PTPRO: variants seen among roughly 807,000 people sequenced by gnomAD.
The protein encoded by PTPRO is receptor-type tyrosine-protein phosphatase O.
PTPRO carries 62 observed loss-of-function variants against 145.2 expected under a neutral mutation model. The ratio of observed to expected loss-of-function variants is 0.43; its 90% CI spans 0.35 to 0.53. The LOEUF is 0.53. Among genes scored for constraint, PTPRO ranks in the 20% least tolerant of loss-of-function variants. The pLI is 0.01. For missense variants in PTPRO, 1,345 were observed against 1,482.7 expected, an observed-to-expected ratio of 0.91 and a Z score of 1.53; for synonymous variants, 565 against 514.7, an observed-to-expected ratio of 1.10 and a Z score of -1.32.
chr12:15,501,912 C>T lies in PTPRO; in HGVS notation c.954C>T (p.Pro318=), dbSNP rs760557170. The T allele has an allele frequency of 6.2e-7, 1 of 1,614,056 alleles. No homozygotes were observed. Among genetic ancestry groups the T allele is most frequent in the Admixed American group, 1.7e-5 (1 of 60,014 alleles). The part of the protein sequence containing the change: ...ESEDEFVSVL[P]MEYENNSTLS... ...AAGATGAATTTGTCAGCGTACTTCC[C>T]ATGGAATACGAAAATAACAGTACAC... The change falls in exon 5 of 27, where the codon CCC becomes CCT. Residue 318 remains proline, a synonymous_variant. Coordinates refer to ENST00000281171, the MANE Select transcript of PTPRO (RefSeq NM_030667.3).
At chr12:15,326,242 T>C (rs1866443810) in intron 1 of PTPRO, among the ~76,000 whole-genome samples, 2 of 152,188 alleles carry the variant, frequency 1.3e-5, no homozygotes, top group African/African-American at 2.4e-5. Context: ...GCTTAGATCC[T>C]TTCCATCACA....
chr12:15,588,823 C>T (rs796897431), intron 24 of PTPRO, among the ~76,000 whole-genome samples: 10 of 152,086 alleles, frequency 6.6e-5, no homozygotes, highest in Non-Finnish European at 1.2e-4. Context: ...AATCAGTTCC[C>T]GAGAGTACTC....
At chr12:15,495,493 T>A (rs1386500600) in intron 2 of PTPRO, among the ~76,000 whole-genome samples, 1 of 151,748 alleles carries the variant, frequency 6.6e-6, no homozygotes, top group Non-Finnish European at 1.5e-5. Context: ...TAAGGACATT[T>A]CTTTAGGTCA....
chr12:15,337,993 C>T (rs1866824207), intron 1 of PTPRO, among the ~76,000 whole-genome samples: 1 of 152,186 alleles, frequency 6.6e-6, no homozygotes, highest in South Asian at 2.1e-4. Flanking sequence ...GTGGTAATTA[C>T]ATAAAGTTAT....
intron 1 of PTPRO, among the ~76,000 whole-genome samples, chr12:15,389,104 ATT>A (rs148751888): frequency 1.2e-4 from 17 of 137,692 alleles, no homozygotes; most frequent in Admixed American, 2.2e-4. Context: ...TAAATAAAGA[ATT>A]TTTTTTTTTT....
chr12:15,477,202 G>A (rs1941673681), intron 1 of PTPRO, among the ~76,000 whole-genome samples: 1 of 95,390 alleles, frequency 1.0e-5, no homozygotes, highest in Non-Finnish European at 2.1e-5. Context: ...TCCTTTGTAG[G>A]GACATGGATG....
intron 18 of PTPRO, 121 bp downstream of exon 18, chr12:15,565,749 C>A: frequency 1.4e-6 from 1 of 728,724 alleles, no homozygotes; most frequent in Non-Finnish European, 2.4e-6. Context: ...ATGCATATTA[C>A]AATAGCTAAG....
chr12:15,551,602 G>C lies in PTPRO; in HGVS notation c.2489G>C (p.Ser830Thr). 6.2e-7 allele frequency: 1 copy of C among 1,613,606 alleles called. No homozygotes were observed. Among genetic ancestry groups the C allele is most frequent in the East Asian group, 2.2e-5 (1 of 44,840 alleles). ...GTGATCTCCGTGCTGGCCATCCTTA[G>C]CACACTTTTAATTGGACTGTTGCTT... is the stretch of plus-strand genomic sequence containing the variant. ...VVVISVLAILSTLLIGLLLVT... is the reference protein window; with the variant it reads ...VVVISVLAILTTLLIGLLLVT... Residue 830 changes from serine to threonine, a missense_variant, in exon 15 of 27, where the codon AGC (serine) becomes ACC (threonine). Physicochemically the swap from Ser to Thr is moderately conservative, Grantham distance 58. Coordinates refer to ENST00000281171, the MANE Select transcript of PTPRO (RefSeq NM_030667.3).
At chr12:15,430,311 G>A (rs756694901) in intron 1 of PTPRO, among the ~76,000 whole-genome samples, 9 of 151,984 alleles carry the variant, frequency 5.9e-5, no homozygotes, top group Non-Finnish European at 8.8e-5. Flanking sequence ...GACTGAGGAG[G>A]GTGGGTGAGA....
At chr12:15,567,655 C>G (rs530401702) in intron 18 of PTPRO, among the ~76,000 whole-genome samples, 29 of 152,248 alleles carry the variant, frequency 1.9e-4, no homozygotes, top group African/African-American at 6.7e-4. Context: ...CGATACACTG[C>G]CCAAAGACAC....
Position 15,563,132 on chromosome 12 carries a change from T to C in PTPRO, c.2712-2461T>C, listed in dbSNP as rs149547079. On this transcript the variant is annotated intron_variant, in intron 17 of 26. Coordinates refer to ENST00000281171, the MANE Select transcript of PTPRO (RefSeq NM_030667.3). ...TTTATGCAGAATGTATCTTAACTTT[T>C]TGAAGTCATTAGGATTTTGAACCTT... 5.3e-3 allele frequency among the ~76,000 whole-genome samples: 810 copies of C among 152,272 alleles called. 6 individuals carry two copies. The highest frequency in any genetic ancestry group is 0.019 in the African/African-American group (772 of 41,574).
intron 1 of PTPRO, among the ~76,000 whole-genome samples, chr12:15,394,724 C>T (rs930751398): frequency 2.0e-5 from 3 of 152,130 alleles, no homozygotes; most frequent in African/African-American, 4.8e-5. Flanking sequence ...TTGGCCTTTC[C>T]AAATATAATG....
chr12:15,475,611 T>C (rs746827630), intron 1 of PTPRO, among the ~76,000 whole-genome samples: 9 of 152,002 alleles, frequency 5.9e-5, no homozygotes, highest in Non-Finnish European at 1.0e-4. Flanking sequence ...AAAAAATGTA[T>C]CATGAAAAAT....
rs1203237110 is a variant in PTPRO at position 15,415,585 on chromosome 12, TC to T, written c.76-68388del. Among the ~76,000 whole-genome samples, 5 of 145,430 alleles carry T rather than the reference TC, an allele frequency of 3.4e-5. 1 individual carries two copies. Among genetic ancestry groups the T allele is most frequent in the Admixed American group, 6.8e-5 (1 of 14,798 alleles). On this transcript the variant is annotated intron_variant, in intron 1 of 26. Coordinates refer to ENST00000281171, the MANE Select transcript of PTPRO (RefSeq NM_030667.3). ...ATTTTTAGTAGAGACGGGGTTTCAC[TC>T]ATGTTAGCCAGGATGGTCTCGATCT...
chr12:15,443,960 A>G (rs1197596886), intron 1 of PTPRO, among the ~76,000 whole-genome samples: 1 of 151,620 alleles, frequency 6.6e-6, no homozygotes, highest in Non-Finnish European at 1.5e-5. Flanking sequence ...CAGAAGTGTC[A>G]TTTGACCATG....
intron 13 of PTPRO, among the ~76,000 whole-genome samples, chr12:15,548,397 A>G (rs1383597743): frequency 6.6e-6 from 1 of 152,184 alleles, no homozygotes; most frequent in Non-Finnish European, 1.5e-5. Flanking sequence ...TTTTAAATGT[A>G]CACTTTTTGA....
chr12:15,548,493 A>G (rs1475176028), intron 13 of PTPRO, among the ~76,000 whole-genome samples: 3 of 151,936 alleles, frequency 2.0e-5, no homozygotes, highest in African/African-American at 7.3e-5. Flanking sequence ...TACATATTAC[A>G]TGCATATATT....
At chr12:15,518,569 A>G (rs1942648163) in intron 9 of PTPRO, among the ~76,000 whole-genome samples, 1 of 152,128 alleles carries the variant, frequency 6.6e-6, no homozygotes, top group Non-Finnish European at 1.5e-5. Flanking sequence ...AATTTTCCAA[A>G]CTTTTATGCT....
chr12:15,418,468 G>A (rs1940044950), intron 1 of PTPRO, among the ~76,000 whole-genome samples: 2 of 151,686 alleles, frequency 1.3e-5, no homozygotes, highest in Admixed American at 1.3e-4. Context: ...TAAAGCTCCT[G>A]AGGTATAGAT....
Sources: allele counts gnomAD v4.1 joint callset (sites outside exome capture counted in the v4.1 genomes callset), GRCh38; gene constraint gnomAD v4.1.1; transcripts MANE v1.5; gene names NCBI Gene and HGNC (gene_info 2026-07-23, HGNC 2026-07-21).